Variants in RORA observed in about 807,000 individuals in gnomAD.
RORA encodes RAR related orphan receptor A, also known as nuclear receptor ROR-alpha.
In RORA, 7 loss-of-function variants were observed where a neutral mutation model predicts 69.5. That is an observed-to-expected ratio of 0.10 (90% CI 0.06 to 0.19). The LOEUF is 0.19. Among genes scored for constraint, RORA ranks in the 10% least tolerant of loss-of-function variants. The pLI, the probability that RORA is intolerant of heterozygous loss-of-function variation, is 1.00. For synonymous variants in RORA, 261 were observed against 240.8 expected (o/e 1.08, Z -0.78); for missense variants, 457 against 663.0 (o/e 0.69, Z 3.41).
chr15:61,133,693 G>A (rs147217529), intron 1 of RORA, among the ~76,000 whole-genome samples: 11 of 152,252 alleles, frequency 7.2e-5, no homozygotes, highest in Middle Eastern at 3.4e-3. Flanking sequence ...TACCTTCTCT[G>A]TTCTCCTCCA....
chr15:61,044,490 A>C (rs1896932406), intron 1 of RORA, among the ~76,000 whole-genome samples: 1 of 152,174 alleles, frequency 6.6e-6, no homozygotes, highest in Admixed American at 6.5e-5. Context: ...TCAGTGCAAA[A>C]TCCACACCTG....
chr15:60,908,333 G>A (rs144337695), intron 1 of RORA, among the ~76,000 whole-genome samples: 1 of 152,222 alleles, frequency 6.6e-6, no homozygotes, highest in African/African-American at 2.4e-5. Flanking sequence ...AATGAACTGA[G>A]AGAAACAAAA....
intron 1 of RORA, among the ~76,000 whole-genome samples, chr15:60,893,242 C>A (rs1296341741): frequency 6.6e-6 from 1 of 152,224 alleles, no homozygotes; most frequent in African/African-American, 2.4e-5. Flanking sequence ...TTCCCCAAAC[C>A]CCCTATCCCA....
At chr15:60,816,049 A>G (rs2072810608) in intron 1 of RORA, among the ~76,000 whole-genome samples, 1 of 145,574 alleles carries the variant, frequency 6.9e-6, no homozygotes, top group Non-Finnish European at 1.5e-5. Context: ...TACTATAAAA[A>G]CTATATGTAT....
intron 2 of RORA, among the ~76,000 whole-genome samples, chr15:60,539,142 A>G (rs2066777776): frequency 6.6e-6 from 1 of 152,168 alleles, no homozygotes. Flanking sequence ...GTTGTGTAAG[A>G]GTTAAAATAC....
At chr15:60,813,574 T>C (rs904255363) in intron 1 of RORA, among the ~76,000 whole-genome samples, 4 of 152,196 alleles carry the variant, frequency 2.6e-5, no homozygotes, top group Non-Finnish European at 4.4e-5. Context: ...CACTTAATTG[T>C]AACCTTTGCC....
At chr15:60,739,090 T>C (rs1283173221) in intron 1 of RORA, among the ~76,000 whole-genome samples, 1 of 152,202 alleles carries the variant, frequency 6.6e-6, no homozygotes, top group East Asian at 1.9e-4. Context: ...CTGGGGATTA[T>C]GATTTCAAAA....
intron 1 of RORA, among the ~76,000 whole-genome samples, 188 bp downstream of exon 1, chr15:61,228,865 C>A (rs2080173417): frequency 6.6e-6 from 1 of 150,930 alleles, no homozygotes; most frequent in Admixed American, 6.6e-5. Context: ...CGAGAACGGG[C>A]TGCAAAAGTT....
At chr15:60,722,465 A>G (rs1187691264) in intron 1 of RORA, among the ~76,000 whole-genome samples, 1 of 152,244 alleles carries the variant, frequency 6.6e-6, no homozygotes, top group Non-Finnish European at 1.5e-5. Context: ...ATTTGTGTAG[A>G]GGACTTACGT....
At chr15:60,815,936 A>C (rs2072804748) in intron 1 of RORA, among the ~76,000 whole-genome samples, 1 of 143,082 alleles carries the variant, frequency 7.0e-6, no homozygotes, top group African/African-American at 2.7e-5. Flanking sequence ...ATATACTATA[A>C]ATAGTGTATA....
chr15:60,692,793 C>G (rs763901856), intron 1 of RORA, among the ~76,000 whole-genome samples: 2 of 152,150 alleles, frequency 1.3e-5, no homozygotes, highest in Non-Finnish European at 2.9e-5. Context: ...GGTTCAATCT[C>G]TCTAAAACTG....
chr15:60,775,919 G>C (rs1179091716), intron 1 of RORA, among the ~76,000 whole-genome samples: 2 of 152,112 alleles, frequency 1.3e-5, no homozygotes, highest in Non-Finnish European at 2.9e-5. Flanking sequence ...CTCCTACCTG[G>C]GGCTTCGACT....
intron 2 of RORA, among the ~76,000 whole-genome samples, chr15:60,585,224 T>C (rs1053728867): frequency 6.6e-6 from 1 of 152,214 alleles, no homozygotes; most frequent in African/African-American, 2.4e-5. Context: ...AATCAGATTG[T>C]TTTACCATTG....
intron 8 of RORA, among the ~76,000 whole-genome samples, chr15:60,502,360 C>A (rs1352989478): frequency 6.6e-6 from 1 of 152,136 alleles, no homozygotes; most frequent in Non-Finnish European, 1.5e-5. Context: ...ATTTCAGTCT[C>A]ATTAATGGTT....
chr15:61,013,976 G>C lies in RORA; in HGVS notation c.166+215077C>G, dbSNP rs377609560. Among the ~76,000 whole-genome samples the C allele has an allele frequency of 3.0e-4, 46 of 151,856 alleles. 2 individuals are homozygous for C. The South Asian group carries it at 7.1e-3, about 23-fold the overall frequency. ...TTTTTTGTATTTTTAGTAGAGACAG[G>C]GCTTCATCATATTAGCCAGGATGGT... On this transcript the variant is annotated intron_variant, in intron 1 of 10. Coordinates refer to ENST00000335670, the MANE Select transcript of RORA (RefSeq NM_134261.3).
At chr15:61,177,311 G>C (rs4774390) in intron 1 of RORA, among the ~76,000 whole-genome samples, 79,026 of 152,002 alleles carry the variant, frequency 0.52, 22,483 homozygotes, top group Non-Finnish European at 0.64. Flanking sequence ...CCAGAAATGC[G>C]TGCTTAGAAA....
chr15:61,175,863 T>C (rs1432541775), intron 1 of RORA, among the ~76,000 whole-genome samples: 1 of 152,190 alleles, frequency 6.6e-6, no homozygotes, highest in Non-Finnish European at 1.5e-5. Flanking sequence ...TTAAGTTTTA[T>C]TTCTTAATCT....
At chr15:60,557,011 A>G (rs2067383478) in intron 2 of RORA, 16 of 1,119,702 alleles carry the variant, frequency 1.4e-5, no homozygotes. Context: ...ACATCCCCAA[A>G]TGCTTGAACA....
At chr15:60,709,730 G>A (rs1448221613) in intron 1 of RORA, among the ~76,000 whole-genome samples, 1 of 151,362 alleles carries the variant, frequency 6.6e-6, no homozygotes. Flanking sequence ...CTCCCACTGA[G>A]TCTACAATGT....
Sources: allele counts gnomAD v4.1 joint callset (sites outside exome capture counted in the v4.1 genomes callset), GRCh38; gene constraint gnomAD v4.1.1; transcripts MANE v1.5; gene names NCBI Gene and HGNC (gene_info 2026-07-23, HGNC 2026-07-21).